Variants in DOCK11 observed in about 807,000 individuals in gnomAD.
DOCK11 encodes the protein dedicator of cytokinesis protein 11.
In DOCK11, 70 loss-of-function variants were observed where a neutral mutation model predicts 169.1. The observed-to-expected ratio is 0.41, with a 90% CI of 0.34 to 0.51. The LOEUF is 0.51. Ranked by LOEUF, DOCK11 falls within the 20% of genes least tolerant of loss-of-function variation. The pLI is 0.10. For synonymous variants in DOCK11, 529 were observed against 541.3 expected (o/e 0.98, Z 0.32); for missense variants, 1,166 against 1,538.8 (o/e 0.76, Z 4.05).
intron 12 of DOCK11, among the ~76,000 whole-genome samples, chrX:118,575,753 A>G (rs7062398): frequency 3.0e-4 from 34 of 112,480 alleles, no homozygotes; most frequent in African/African-American, 1.1e-3. Flanking sequence ...AGAACTTGCT[A>G]TTGAATTTTA....
chrX:118,598,690 T>G lies in DOCK11; in HGVS notation c.2473-449T>G, dbSNP rs141107335. Among the ~76,000 whole-genome samples, 472 of 112,207 alleles carry G rather than the reference T, an allele frequency of 4.2e-3. 2 individuals carry two copies. The highest frequency in any genetic ancestry group is 0.015 in the African/African-American group (458 of 30,928). On this transcript the variant is annotated intron_variant, in intron 22 of 52. Transcript: ENST00000276202. ...TGTATATGGGTTCCACATAGGACAG[T>G]TGGACTCCCTTGCCAGTGAAGTGCC...
chrX:118,541,900 T>C (rs935050101), intron 1 of DOCK11, among the ~76,000 whole-genome samples: 4 of 111,450 alleles, frequency 3.6e-5, no homozygotes, highest in African/African-American at 1.3e-4. Flanking sequence ...AACCTAACCC[T>C]TTCATAACCT....
intron 34 of DOCK11, among the ~76,000 whole-genome samples, chrX:118,630,079 A>C: frequency 9.0e-6 from 1 of 111,508 alleles, no homozygotes. Flanking sequence ...TGTAAAAGCT[A>C]TCTTTCCTTA....
intron 1 of DOCK11, among the ~76,000 whole-genome samples, chrX:118,542,212 G>A: frequency 9.9e-6 from 1 of 101,522 alleles, no homozygotes; most frequent in South Asian, 4.5e-4. Context: ...ATCTTGCTCT[G>A]TTGCCCAGAT....
At chrX:118,529,477 A>G (rs765248519) in intron 1 of DOCK11, among the ~76,000 whole-genome samples, 84 of 112,514 alleles carry the variant, frequency 7.5e-4, no homozygotes, top group South Asian at 1.1e-3. Context: ...GATTGTGGTC[A>G]TCTAGGAAAG....
Position 118,593,252 on chromosome X carries a change from T to A in DOCK11, c.2178T>A (p.His726Gln). ...IELPIHLHQKHHLLFTFYHVS... is the reference protein window; with the variant it reads ...IELPIHLHQKQHLLFTFYHVS... ...TTCCCATTCACCTACATCAAAAACA[T>A]CATTTGCTTTTCACTTTTTATCATG... is the stretch of plus-strand genomic sequence containing the variant. Residue 726 changes from histidine to glutamine, a missense_variant, in exon 20 of 53, where the codon CAT becomes CAA. His to Gln is a conservative substitution (Grantham distance 24, BLOSUM62 0). Coordinates refer to ENST00000276202, the MANE Select transcript of DOCK11 (RefSeq NM_144658.4). The A allele has an allele frequency of 8.3e-7, 1 of 1,205,016 alleles. No individual in the cohort carries two copies.
chrX:118,507,708 A>G (rs1293406525), intron 1 of DOCK11, among the ~76,000 whole-genome samples: 1 of 111,947 alleles, frequency 8.9e-6, no homozygotes, highest in Non-Finnish European at 1.9e-5. Flanking sequence ...AAGACTTAAA[A>G]ATGCTGTTAT....
At chrX:118,584,992 A>G in intron 15 of DOCK11, 49 bp from the exon 16 acceptor site, 2 of 1,160,081 alleles carry the variant, frequency 1.7e-6, no homozygotes, top group Non-Finnish European at 2.4e-6. Flanking sequence ...TAACCAGTGC[A>G]TTCAGTAATC....
At position 118,630,415 on chromosome X, in the gene DOCK11, T is replaced by C. The variant is rs201738317; in HGVS notation, c.3811T>C (p.Tyr1271His). 3 of 1,209,295 alleles carry C rather than the reference T, an allele frequency of 2.5e-6. No homozygotes were observed. In the South Asian group the frequency reaches 5.3e-5, roughly 21 times the overall value. ...TTCTACAAGGAGTAGTGTATCCCAG[T>C]ATAACCGCCTGGATCAGTATGAAAT... is the stretch of plus-strand genomic sequence containing the variant. ...QSSTRSSVSQ[Y>H]NRLDQYEIRS... Residue 1271 changes from tyrosine to histidine, a missense_variant, in exon 35 of 53, where the codon TAT becomes CAT. By Grantham distance (83) the Tyr-to-His change is moderately conservative (BLOSUM62 2). Transcript: ENST00000276202.
chrX:118,545,411 G>T lies in DOCK11; in HGVS notation c.462+19G>T. Reference sequence around the variant, plus strand: ...AGATGAGGTAAGAATGGGGGCAACAGTTGGGGTAACTGTGCTAGTTTCCTC... The same window carrying T: ...AGATGAGGTAAGAATGGGGGCAACATTTGGGGTAACTGTGCTAGTTTCCTC... On this transcript the variant is annotated intron_variant, in intron 5 of 52. Transcript: ENST00000276202. 8.8e-7 allele frequency: 1 copy of T among 1,137,886 alleles called. No individual in the cohort carries two copies. The highest frequency in any genetic ancestry group is 3.0e-5 in the East Asian group (1 of 33,089). 93.8% of individuals were successfully genotyped at this position (1,137,886 alleles called of 1,213,427 possible). A position where few individuals can be genotyped will look rare whatever the true frequency, so the allele number is the denominator to read the frequency against.
intron 23 of DOCK11, among the ~76,000 whole-genome samples, chrX:118,601,603 G>A (rs2014340002): frequency 9.0e-6 from 1 of 111,156 alleles, no homozygotes; most frequent in Non-Finnish European, 1.9e-5. Flanking sequence ...ATATATACGG[G>A]TATTCTTAAA....
intron 31 of DOCK11, among the ~76,000 whole-genome samples, chrX:118,620,706 A>C (rs1352258035): frequency 8.9e-6 from 1 of 112,604 alleles, no homozygotes; most frequent in Non-Finnish European, 1.9e-5. Flanking sequence ...AAAGTCCTCC[A>C]GTCCAATCAA....
chrX:118,590,509 T>A (rs1306615992), intron 19 of DOCK11, among the ~76,000 whole-genome samples: 2 of 111,365 alleles, frequency 1.8e-5, no homozygotes, highest in Non-Finnish European at 3.8e-5. Flanking sequence ...TTTAAGGGGC[T>A]CTTCGACTTG....
At chrX:118,654,318 G>A (rs1290800289) in intron 42 of DOCK11, among the ~76,000 whole-genome samples, 1 of 112,372 alleles carries the variant, frequency 8.9e-6, no homozygotes, top group Non-Finnish European at 1.9e-5. Context: ...CCATGGCTGT[G>A]CAATTCACAA....
chrX:118,605,810 G>A, intron 24 of DOCK11, among the ~76,000 whole-genome samples: 1 of 112,087 alleles, frequency 8.9e-6, no homozygotes, highest in Non-Finnish European at 1.9e-5. Flanking sequence ...TGTAGTTCAA[G>A]TCCAATGTTT....
chrX:118,510,916 A>G (rs1297659924), intron 1 of DOCK11, among the ~76,000 whole-genome samples: 2 of 111,706 alleles, frequency 1.8e-5, no homozygotes, highest in African/African-American at 6.5e-5. Flanking sequence ...ATAAATGGAA[A>G]CTTCCCCTCT....
intron 1 of DOCK11, among the ~76,000 whole-genome samples, chrX:118,512,917 T>TA (rs2057659026): frequency 8.9e-6 from 1 of 112,014 alleles, no homozygotes; most frequent in Non-Finnish European, 1.9e-5. Context: ...GGCTTCTTCT[T>TA]ACTGACTACA....
rs1174682878 is a variant in DOCK11, at chrX:118,626,364, C to A, written c.3589-1140C>A. ...GGAATTATAGGCATGAGCCACTGTGCCCGGTCCCCAAAACCCTTTGCTTTC... is the reference window on the plus strand; with the variant it reads ...GGAATTATAGGCATGAGCCACTGTGACCGGTCCCCAAAACCCTTTGCTTTC... On this transcript the variant is annotated intron_variant, in intron 32 of 52. Coordinates refer to ENST00000276202, the MANE Select transcript of DOCK11 (RefSeq NM_144658.4). Among the ~76,000 whole-genome samples, 18 of 111,442 alleles carry A rather than the reference C, an allele frequency of 1.6e-4. 1 individual carries two copies. The Admixed American group carries it at 1.7e-3, about 11-fold the overall frequency.
In DOCK11 at chrX:118,495,883, A is replaced by AGCGGCC. The variant is rs2057531990; in HGVS notation, c.-80_-75dup. 8 of 460,189 alleles carry AGCGGCC rather than the reference A, an allele frequency of 1.7e-5. No homozygotes were observed. In the South Asian group the frequency reaches 3.1e-4, roughly 18 times the overall value. The allele number at this position is 460,189 out of a possible 1,213,427, so 37.9% of individuals were successfully genotyped here. A position where few individuals can be genotyped will look rare whatever the true frequency, so the allele number is the denominator to read the frequency against. ...CCGGCGAGTAAACAGAGGGAGCAGC[A>AGCGGCC]GCGGCCGCGGCCGCCGCGGGCCGGG... is the stretch of plus-strand genomic sequence containing the variant. On this transcript the variant is annotated 5_prime_UTR_variant, in exon 1 of 53. Transcript: ENST00000276202.
Sources: allele counts gnomAD v4.1 joint callset (sites outside exome capture counted in the v4.1 genomes callset), GRCh38; gene constraint gnomAD v4.1.1; transcripts MANE v1.5; gene names NCBI Gene and HGNC (gene_info 2026-07-23, HGNC 2026-07-21).